Variants in GALNT10 observed in about 807,000 individuals in gnomAD.
GALNT10 encodes polypeptide N-acetylgalactosaminyltransferase 10, also known as GalNAc transferase 10.
Under a neutral mutation model 75.0 loss-of-function variants are expected in GALNT10, and 41 were observed. That is an observed-to-expected ratio of 0.55 (90% confidence interval 0.43 to 0.71). GALNT10 has a LOEUF of 0.71. Among genes scored for constraint, GALNT10 ranks in the 30% least tolerant of loss-of-function variants. The probability of loss-of-function intolerance (pLI) is 0.00; values close to 1 mark genes in which losing one functional copy is unlikely to be tolerated. For synonymous variants in GALNT10, 302 were observed against 313.0 expected (o/e 0.96, Z 0.37); for missense variants, 727 against 818.5 (o/e 0.89, Z 1.36).
rs187444888 is a variant in GALNT10 at position 154,305,221 on chromosome 5, G to A, written c.401+7142G>A. On this transcript the variant is annotated intron_variant, in intron 3 of 11. Coordinates refer to ENST00000297107, the MANE Select transcript of GALNT10 (RefSeq NM_198321.4). The stretch of plus-strand genomic sequence containing the variant: ...TAAGGTGGGAGAATCACTTGAGCCC[G>A]GAAGTTTGAGGCTGCAGTAAGCTAT... Among the ~76,000 whole-genome samples, 50 of 151,994 alleles carry A rather than the reference G, an allele frequency of 3.3e-4. 3 individuals are homozygous for A. In the Middle Eastern group the frequency reaches 0.01, roughly 31 times the overall value.
intron 5 of GALNT10, among the ~76,000 whole-genome samples, chr5:154,380,237 C>T (rs538444847): frequency 2.0e-5 from 3 of 152,162 alleles, no homozygotes; most frequent in Non-Finnish European, 4.4e-5. Flanking sequence ...ATTATTTGTG[C>T]AGCTGCCTCA....
At chr5:154,322,746 G>T (rs1754694630) in intron 3 of GALNT10, among the ~76,000 whole-genome samples, 1 of 152,124 alleles carries the variant, frequency 6.6e-6, no homozygotes, top group Non-Finnish European at 1.5e-5. Context: ...CACCATGTTG[G>T]TACAATTCCT....
chr5:154,230,534 T>A (rs1753133283), intron 1 of GALNT10, among the ~76,000 whole-genome samples: 1 of 152,198 alleles, frequency 6.6e-6, no homozygotes, highest in South Asian at 2.1e-4. Context: ...ACCATAGGCT[T>A]CTGTGTCTGG....
In GALNT10 at chr5:154,416,040, C is replaced by A; in HGVS notation, c.1653+108C>A. The A allele has an allele frequency of 3.0e-6, 3 of 1,011,980 alleles. No individual in the cohort carries two copies. The highest frequency in any genetic ancestry group is 1.6e-5 in the South Asian group (1 of 62,032). 62.7% of individuals were successfully genotyped at this position (1,011,980 alleles called of 1,614,324 possible). ...AGCCCATCCACTTATTCATTTGTGC[C>A]ACAAACCTACCATGCCGGATTTTGT... On this transcript the variant is annotated intron_variant, in intron 11 of 11. Transcript: ENST00000297107. This position sits in a 1 kb window ranked among gnomAD's most constrained non-coding sequence, Gnocchi z 4.5.
intron 1 of GALNT10, among the ~76,000 whole-genome samples, chr5:154,202,006 C>CG (rs1775035016): frequency 6.6e-6 from 1 of 151,890 alleles, no homozygotes; most frequent in African/African-American, 2.4e-5. Context: ...CCTGGCATGT[C>CG]GGGAAACCCC....
At chr5:154,289,094 T>C (rs1754153376) in intron 1 of GALNT10, among the ~76,000 whole-genome samples, 1 of 152,172 alleles carries the variant, frequency 6.6e-6, no homozygotes, top group Non-Finnish European at 1.5e-5. Flanking sequence ...GCTCTCCTAT[T>C]CCTCCAAACA....
intron 3 of GALNT10, among the ~76,000 whole-genome samples, chr5:154,306,778 T>C (rs1268668242): frequency 6.6e-6 from 1 of 152,048 alleles, no homozygotes; most frequent in Non-Finnish European, 1.5e-5. Context: ...AAGCCACAAT[T>C]ATGAAATTAT....
At chr5:154,198,701 T>A (rs560551463) in intron 1 of GALNT10, among the ~76,000 whole-genome samples, 2 of 152,306 alleles carry the variant, frequency 1.3e-5, no homozygotes, top group African/African-American at 4.8e-5. Context: ...CTCTGTATCC[T>A]TCTAGATTCA....
chr5:154,331,593 T>C (rs1754865184), intron 4 of GALNT10, among the ~76,000 whole-genome samples: 1 of 152,100 alleles, frequency 6.6e-6, no homozygotes, highest in South Asian at 2.1e-4. Context: ...TGGCACAGAG[T>C]GAACATTAAA....
intron 1 of GALNT10, among the ~76,000 whole-genome samples, chr5:154,235,414 G>T (rs779414417): frequency 3.9e-5 from 6 of 152,160 alleles, no homozygotes; most frequent in Non-Finnish European, 2.9e-5. Flanking sequence ...AGTCTTTGCA[G>T]AGTCTTTCCT....
chr5:154,415,134 C>CA (rs1018084022), intron 10 of GALNT10, among the ~76,000 whole-genome samples: 3 of 151,652 alleles, frequency 2.0e-5, no homozygotes, highest in African/African-American at 2.4e-5. Flanking sequence ...AAAAAACAAA[C>CA]AAAAAAAAGA....
rs536722211 is a variant in GALNT10 at position 154,314,854 on chromosome 5, TA to T, written c.402-14708del. ...ACAATTTTTAAAATGATAATTTCCT[TA>T]AAAAAAAAAGACTGAAATTGCTGAA... On this transcript the variant is annotated intron_variant, in intron 3 of 11. Coordinates refer to ENST00000297107, the MANE Select transcript of GALNT10 (RefSeq NM_198321.4). Among the ~76,000 whole-genome samples the T allele has an allele frequency of 5.3e-3, 790 of 148,552 alleles. 7 individuals are homozygous for T. The highest frequency in any genetic ancestry group is 8.3e-3 in the Non-Finnish European group (559 of 66,966).
chr5:154,236,231 A>G (rs1003863192), intron 1 of GALNT10, among the ~76,000 whole-genome samples: 1 of 151,812 alleles, frequency 6.6e-6, no homozygotes, highest in Admixed American at 6.6e-5. Flanking sequence ...GAATTTTCTC[A>G]TGTGCAAAAT....
intron 3 of GALNT10, among the ~76,000 whole-genome samples, chr5:154,324,895 T>C (rs1754733613): frequency 6.6e-6 from 1 of 152,126 alleles, no homozygotes; most frequent in Admixed American, 6.5e-5. Context: ...AATGTTGTGG[T>C]GTGACCAAAT....
intron 1 of GALNT10, among the ~76,000 whole-genome samples, chr5:154,260,258 T>A (rs893103368): frequency 6.6e-6 from 1 of 152,180 alleles, no homozygotes; most frequent in Non-Finnish European, 1.5e-5. Context: ...TAGGTGCCTT[T>A]GATTCTCTTT....
chr5:154,191,152 C>G (rs1774853151), intron 1 of GALNT10, 127 bp downstream of exon 1: 3 of 636,948 alleles, frequency 4.7e-6, no homozygotes, highest in Non-Finnish European at 6.9e-6. Flanking sequence ...TCAGCTCTTC[C>G]CATTTTCCGG....
At chr5:154,312,029 T>C (rs920640690) in intron 3 of GALNT10, among the ~76,000 whole-genome samples, 1 of 152,178 alleles carries the variant, frequency 6.6e-6, no homozygotes, top group Non-Finnish European at 1.5e-5. Context: ...TCTGCATGCA[T>C]CGCATTCACC....
At chr5:154,260,336 T>C (rs1413381722) in intron 1 of GALNT10, among the ~76,000 whole-genome samples, 1 of 152,158 alleles carries the variant, frequency 6.6e-6, no homozygotes, top group Non-Finnish European at 1.5e-5. Flanking sequence ...CATAATTACA[T>C]TATTATTCCA....
At chr5:154,242,018 C>A (rs1193026976) in intron 1 of GALNT10, among the ~76,000 whole-genome samples, 6 of 152,156 alleles carry the variant, frequency 3.9e-5, no homozygotes, top group Non-Finnish European at 7.3e-5. Context: ...AGTGCCCAGT[C>A]CTTCAGAATC....
Sources: gnomAD v4.1 joint callset for allele counts (sites outside exome capture counted in the v4.1 genomes callset) on GRCh38, gnomAD v4.1.1 for gene constraint, Gnocchi (gnomAD v3.1) non-coding constraint, MANE v1.5 for transcripts, NCBI Gene and HGNC (gene_info 2026-07-23, HGNC 2026-07-21) for gene names.